The following GPHN variants were observed in gnomAD, a reference collection of about 807,000 sequenced individuals.
The protein encoded by GPHN is gephyrin.
A neutral mutation model predicts 95.5 loss-of-function variants in GPHN; 17 were observed. The ratio of observed to expected loss-of-function variants is 0.18; its 90% CI spans 0.12 to 0.27. The LOEUF (loss-of-function observed/expected upper bound fraction) is 0.27. Ranked by LOEUF, GPHN falls within the 10% of genes least tolerant of loss-of-function variation. GPHN has a pLI of 1.00. For synonymous variants in GPHN, 320 were observed against 322.5 expected (o/e 0.99, Z 0.08); for missense variants, 660 against 978.1 (o/e 0.67, Z 4.34).
At chr14:66,646,545 GAATAGATAAAACAATATATATATAA>G (rs2064755140) in intron 1 of GPHN, among the ~76,000 whole-genome samples, 1 of 152,036 alleles carries the variant, frequency 6.6e-6, no homozygotes, top group African/African-American at 2.4e-5. Flanking sequence ...TGGAAGGAAT[GAATAGATAAAACAATATATATATAA>G]AATAGATAAA....
At chr14:66,875,429 G>A (rs545161546) in intron 4 of GPHN, among the ~76,000 whole-genome samples, 3 of 151,736 alleles carry the variant, frequency 2.0e-5, no homozygotes, top group African/African-American at 7.3e-5. Flanking sequence ...AATGTAAATG[G>A]GCTAAATGCC....
intron 1 of GPHN, among the ~76,000 whole-genome samples, chr14:66,609,449 C>G (rs757350239): frequency 1.3e-5 from 2 of 152,004 alleles, no homozygotes; most frequent in African/African-American, 2.4e-5. Context: ...ATAAAACTCA[C>G]AAGAGTTTTC....
chr14:67,675,939 A>G, the GPHN span, among the ~76,000 whole-genome samples: 5 of 151,876 alleles, frequency 3.3e-5, no homozygotes, highest in African/African-American at 9.7e-5. Flanking sequence ...TCTGCTAAAA[A>G]CACAAAAATT....
chr14:67,710,981 A>G, the GPHN span, among the ~76,000 whole-genome samples: 1 of 152,210 alleles, frequency 6.6e-6, no homozygotes, highest in Admixed American at 6.5e-5. Flanking sequence ...AGACAGTGAA[A>G]AAGATTTAAC....
intron 1 of GPHN, among the ~76,000 whole-genome samples, chr14:66,634,680 TTGGTGAC>T (rs1437389264): frequency 6.6e-6 from 1 of 152,198 alleles, no homozygotes; most frequent in African/African-American, 2.4e-5. Flanking sequence ...TCAGTGTGTG[TTGGTGAC>T]TGGCCAGTCT....
the GPHN span, among the ~76,000 whole-genome samples, chr14:67,591,158 A>T: frequency 6.6e-6 from 1 of 152,168 alleles, no homozygotes; most frequent in African/African-American, 2.4e-5. Flanking sequence ...GGTAGTTTAA[A>T]GTAAGAGGAA....
Position 67,146,331 on chromosome 14 carries a change from T to C in GPHN, c.1836+2882T>C, listed in dbSNP as rs76310588. Reference sequence around the variant, plus strand: ...CTCCTTCACCTCACCCTGCCCTACATACTCTTTTCAAAGAGTTTCATTTTT... The same window carrying C: ...CTCCTTCACCTCACCCTGCCCTACACACTCTTTTCAAAGAGTTTCATTTTT... On this transcript the variant is annotated intron_variant, in intron 18 of 22. Coordinates refer to ENST00000478722, the MANE Select transcript of GPHN (RefSeq NM_020806.5). Among the ~76,000 whole-genome samples the C allele has an allele frequency of 7.6e-3, 1,153 of 152,314 alleles. 13 individuals carry two copies. Among genetic ancestry groups the C allele is most frequent in the Non-Finnish European group, 7.7e-3 (523 of 68,028 alleles).
chr14:67,081,212 T>C (rs2076682075), intron 11 of GPHN, among the ~76,000 whole-genome samples: 1 of 152,210 alleles, frequency 6.6e-6, no homozygotes, highest in African/African-American at 2.4e-5. Flanking sequence ...GTTGTACAAG[T>C]TTACATTTCT....
At chr14:67,412,118 C>T in the GPHN span, 6 of 1,425,230 alleles carry the variant, frequency 4.2e-6, no homozygotes. Flanking sequence ...TCGCGCTCCT[C>T]GGCACCCGCG....
chr14:67,464,338 G>A, the GPHN span, among the ~76,000 whole-genome samples: 4 of 152,056 alleles, frequency 2.6e-5, no homozygotes, highest in South Asian at 8.3e-4. Flanking sequence ...TCCTCAGAAT[G>A]GGGTTTCCTG....
At chr14:66,825,177 A>T (rs1212805289) in intron 4 of GPHN, among the ~76,000 whole-genome samples, 1 of 152,096 alleles carries the variant, frequency 6.6e-6, no homozygotes, top group African/African-American at 2.4e-5. Flanking sequence ...ATTAACTAAT[A>T]TGGGGGGGGA....
At chr14:67,437,048 C>G in the GPHN span, among the ~76,000 whole-genome samples, 1 of 152,140 alleles carries the variant, frequency 6.6e-6, no homozygotes, top group African/African-American at 2.4e-5. Flanking sequence ...GCAGCCAGAC[C>G]CTGTCTCAAA....
chr14:66,890,086 C>T (rs2064396007), intron 5 of GPHN, among the ~76,000 whole-genome samples: 1 of 152,082 alleles, frequency 6.6e-6, no homozygotes, highest in Non-Finnish European at 1.5e-5. Flanking sequence ...TCTGAATAGA[C>T]CTATACCTAG....
the GPHN span, chr14:67,397,661 C>T: frequency 6.2e-7 from 1 of 1,608,382 alleles, no homozygotes; most frequent in Non-Finnish European, 8.5e-7. Flanking sequence ...CCATCACTTA[C>T]CGGTCGGTTT....
chr14:67,572,082 CGTGA>C, the GPHN span: 1 of 1,564,096 alleles, frequency 6.4e-7, no homozygotes, highest in African/African-American at 1.3e-5. Flanking sequence ...TCCTGGGCTG[CGTGA>C]GTCGGGGAGG....
chr14:67,287,829 G>A, the GPHN span, among the ~76,000 whole-genome samples: 9 of 152,192 alleles, frequency 5.9e-5, no homozygotes, highest in African/African-American at 1.7e-4. Context: ...GTTAACAGCC[G>A]AAAGGTAGAA....
chr14:66,741,815 A>G (rs189219445), intron 2 of GPHN, among the ~76,000 whole-genome samples: 2 of 152,300 alleles, frequency 1.3e-5, no homozygotes, highest in East Asian at 3.9e-4. Flanking sequence ...ATACAGGGAT[A>G]AAGTCCTTTG....
At chr14:66,925,185 A>G (rs1453087246) in intron 8 of GPHN, among the ~76,000 whole-genome samples, 1 of 152,130 alleles carries the variant, frequency 6.6e-6, no homozygotes, top group Non-Finnish European at 1.5e-5. Context: ...GGCATGTGAG[A>G]TATTTTGATA....
intron 5 of GPHN, among the ~76,000 whole-genome samples, chr14:66,892,865 C>G (rs926455510): frequency 2.6e-5 from 4 of 152,108 alleles, no homozygotes; most frequent in African/African-American, 9.7e-5. Flanking sequence ...GAATTGTATA[C>G]TTAAAATTAG....
Sources: gnomAD v4.1 joint callset for allele counts (sites outside exome capture counted in the v4.1 genomes callset) on GRCh38, gnomAD v4.1.1 for gene constraint, MANE v1.5 for transcripts, NCBI Gene and HGNC (gene_info 2026-07-23, HGNC 2026-07-21) for gene names.